The following PCDHGA9 variants were observed in gnomAD, a reference collection of about 807,000 sequenced individuals.
PCDHGA9 encodes protocadherin gamma subfamily A, 9.
A neutral mutation model predicts 62.5 loss-of-function variants in PCDHGA9; 37 were observed. The observed-to-expected ratio is 0.59, with a 90% CI of 0.46 to 0.78. The LOEUF (loss-of-function observed/expected upper bound fraction) is 0.78. Among genes scored for constraint, PCDHGA9 ranks in the 30% least tolerant of loss-of-function variants. The pLI is 0.00. For missense variants in PCDHGA9, 1,138 were observed against 1,166.2 expected, an observed-to-expected ratio of 0.98 and a Z score of 0.35; for synonymous variants, 459 against 484.6, an observed-to-expected ratio of 0.95 and a Z score of 0.69.
rs760095389 is a variant in PCDHGA9, at chr5:141,486,731, A to G, written c.2425-8076A>G. On this transcript the variant is annotated intron_variant, in intron 1 of 3. Transcript: ENST00000573521. The surrounding 1 kb of genome is among the most constrained non-coding windows in gnomAD (Gnocchi z 5.0). ...CCCCCAGACAGGAGCTGTTCATGCT[A>G]CTCGATCCTTTGACTATGAGCAAAC... The G allele has an allele frequency of 6.2e-7, 1 of 1,614,060 alleles. No individual in the cohort carries two copies. Among genetic ancestry groups the G allele is most frequent in the Non-Finnish European group, 8.5e-7 (1 of 1,180,012 alleles).
chr5:141,446,256 T>C lies in PCDHGA9; in HGVS notation c.2424+40880T>C, dbSNP rs535879308. On this transcript the variant is annotated intron_variant, in intron 1 of 3. Transcript: ENST00000573521. Reference sequence around the variant, plus strand: ...CAAGTGGTAGATCTTCAGTGAAATATTATTAACTGAATAAATACAATGGAT... The same window carrying C: ...CAAGTGGTAGATCTTCAGTGAAATACTATTAACTGAATAAATACAATGGAT... Among the ~76,000 whole-genome samples the C allele has an allele frequency of 2.0e-5, 3 of 152,310 alleles. No homozygotes were observed. The East Asian group carries it at 5.8e-4, about 29-fold the overall frequency.
At chr5:141,422,782 C>CG in intron 1 of PCDHGA9, 1 of 1,614,090 alleles carries the variant, frequency 6.2e-7, no homozygotes, top group South Asian at 1.1e-5. Context: ...CTATGCCCTA[C>CG]AATCCTTCGA....
chr5:141,476,016 G>A lies in PCDHGA9; in HGVS notation c.2425-18791G>A. 7.4e-7 allele frequency: 1 copy of A among 1,359,386 alleles called. No individual in the cohort carries two copies. 84.2% of individuals were successfully genotyped at this position (1,359,386 alleles called of 1,614,324 possible). A position where few individuals can be genotyped will look rare whatever the true frequency, so the allele number is the denominator to read the frequency against. On this transcript the variant is annotated intron_variant, in intron 1 of 3. Coordinates refer to ENST00000573521, the MANE Select transcript of PCDHGA9 (RefSeq NM_018921.3). This position sits in a 1 kb window ranked among gnomAD's most constrained non-coding sequence, Gnocchi z 7.6. ...TCAACGGCATCCAGAAAGCCATGTC[G>A]GACTCGGCGCCCAGCGCCCAAGCGC...
intron 1 of PCDHGA9, among the ~76,000 whole-genome samples, chr5:141,420,643 A>G (rs145459829): frequency 0.01 from 1,535 of 152,326 alleles, 17 homozygotes; most frequent in Non-Finnish European, 0.013. Flanking sequence ...GGAACCTTGT[A>G]AGAATTATAG....
intron 1 of PCDHGA9, chr5:141,423,661 G>A: frequency 1.3e-6 from 2 of 1,555,760 alleles, no homozygotes; most frequent in Non-Finnish European, 1.7e-6. Flanking sequence ...AAGTAATCAG[G>A]TGAGATTTAT....
chr5:141,415,076 G>A (rs772523894), intron 1 of PCDHGA9: 3 of 1,613,462 alleles, frequency 1.9e-6, no homozygotes, highest in South Asian at 1.1e-5. Context: ...CGCACGGCGC[G>A]AGCCCTGCTG....
At chr5:141,507,797 C>A (rs933921827) in intron 3 of PCDHGA9, among the ~76,000 whole-genome samples, 1 of 152,240 alleles carries the variant, frequency 6.6e-6, no homozygotes, top group Admixed American at 6.5e-5. Context: ...TCTAAGCCTG[C>A]GCCCTGGGGA....
At chr5:141,496,808 G>A (rs1387209844) in intron 2 of PCDHGA9, among the ~76,000 whole-genome samples, 3 of 151,736 alleles carry the variant, frequency 2.0e-5, no homozygotes, top group South Asian at 4.2e-4. Flanking sequence ...GGCTATAGGA[G>A]TGAACAAGTA....
At chr5:141,438,621 TATATATATATATATACAC>T (rs1369797568) in intron 1 of PCDHGA9, among the ~76,000 whole-genome samples, 6 of 41,386 alleles carry the variant, frequency 1.4e-4, no homozygotes, top group South Asian at 9.0e-4. Context: ...TATATATATA[TATATATATATATATACAC>T]ACACACACAC....
chr5:141,510,894 A>G, intron 3 of PCDHGA9, 53 bp from the exon 4 acceptor site: 2 of 1,612,850 alleles, frequency 1.2e-6, no homozygotes, highest in Non-Finnish European at 8.5e-7. Flanking sequence ...TAAGACAGTG[A>G]CTGTTGAGGA....
In PCDHGA9 at chr5:141,412,906, T is replaced by C. The variant is rs188124118; in HGVS notation, c.2424+7530T>C. ...ACAGAATAGTTTACTTTCCATTGCA[T>C]GTATCACTTGGGTGCAGTAACTTCT... On this transcript the variant is annotated intron_variant, in intron 1 of 3. Coordinates refer to ENST00000573521, the MANE Select transcript of PCDHGA9 (RefSeq NM_018921.3). 315 of 384,208 alleles carry C rather than the reference T, an allele frequency of 8.2e-4. 2 individuals carry two copies. Among genetic ancestry groups the C allele is most frequent in the African/African-American group, 5.6e-3 (272 of 48,326 alleles). The allele number at this position is 384,208 out of a possible 1,614,324, so 23.8% of individuals were successfully genotyped here. A position where few individuals can be genotyped will look rare whatever the true frequency, so the allele number is the denominator to read the frequency against.
chr5:141,471,977 A>G (rs1487329441), intron 1 of PCDHGA9, among the ~76,000 whole-genome samples: 1 of 152,212 alleles, frequency 6.6e-6, no homozygotes, highest in Non-Finnish European at 1.5e-5. Context: ...ATTACTGTAT[A>G]AATTTATTAA....
chr5:141,410,090 C>G (rs369832481), intron 1 of PCDHGA9: 3 of 1,612,358 alleles, frequency 1.9e-6, no homozygotes, highest in South Asian at 2.2e-5. Context: ...GCGCACGGCT[C>G]GAGCCTTAGG....
In PCDHGA9 at chr5:141,489,449, A is replaced by G; in HGVS notation, c.2425-5358A>G. The G allele has an allele frequency of 6.2e-7, 1 of 1,614,056 alleles. No homozygotes were observed. Among genetic ancestry groups the G allele is most frequent in the Non-Finnish European group, 8.5e-7 (1 of 1,180,016 alleles). On this transcript the variant is annotated intron_variant, in intron 1 of 3. Coordinates refer to ENST00000573521, the MANE Select transcript of PCDHGA9 (RefSeq NM_018921.3). This position sits in a 1 kb window ranked among gnomAD's most constrained non-coding sequence, Gnocchi z 4.5. ...CGGCGGCTGCAATTGGGCTCTGAGG[A>G]GAATGGGCGCTATTTTTCCCTGAGC...
intron 1 of PCDHGA9, chr5:141,412,984 C>G: frequency 1.8e-6 from 1 of 558,874 alleles, no homozygotes; most frequent in Non-Finnish European, 3.0e-6. Flanking sequence ...GCAGCCAGAG[C>G]TCAATCCGGA....
intron 1 of PCDHGA9, chr5:141,441,671 C>A (rs1027440120): frequency 7.0e-6 from 2 of 287,530 alleles, no homozygotes; most frequent in South Asian, 2.9e-5. Flanking sequence ...GCGCACAGTG[C>A]GCCTTCGACC....
chr5:141,414,181 A>G, intron 1 of PCDHGA9: 2 of 1,609,294 alleles, frequency 1.2e-6, no homozygotes, highest in South Asian at 1.1e-5. Context: ...TGCAACTGCA[A>G]AAGTGTTGAT....
intron 2 of PCDHGA9, among the ~76,000 whole-genome samples, chr5:141,498,573 A>G (rs7725519): frequency 0.52 from 78,890 of 151,684 alleles, 21,175 homozygotes; most frequent in African/African-American, 0.65. Flanking sequence ...CAGGGCTAGT[A>G]TTGAGTTCTT....
In PCDHGA9 at chr5:141,432,446, C is replaced by T. The variant is rs765059815; in HGVS notation, c.2424+27070C>T. The T allele has an allele frequency of 1.2e-6, 2 of 1,614,256 alleles. No individual in the cohort carries two copies. Among genetic ancestry groups the T allele is most frequent in the Non-Finnish European group, 8.5e-7 (1 of 1,180,052 alleles). On this transcript the variant is annotated intron_variant, in intron 1 of 3. Transcript: ENST00000573521. The surrounding 1 kb of genome is among the most constrained non-coding windows in gnomAD (Gnocchi z 6.0). ...CCAGAACGACAATGCGCCCGAGATC[C>T]TGTACCCCGCCCTCCCCACGGACGG...
Sources: gnomAD v4.1 joint callset for allele counts (sites outside exome capture counted in the v4.1 genomes callset) on GRCh38, gnomAD v4.1.1 for gene constraint, Gnocchi (gnomAD v3.1) non-coding constraint, MANE v1.5 for transcripts, NCBI Gene and HGNC (gene_info 2026-07-23, HGNC 2026-07-21) for gene names.